The following ASIC2 variants were observed in gnomAD, a reference collection of about 807,000 sequenced individuals.
ASIC2 encodes acid sensing ion channel subunit 2.
A neutral mutation model predicts 57.3 loss-of-function variants in ASIC2; 25 were observed. That is an observed-to-expected ratio of 0.44 (90% CI 0.32 to 0.61). ASIC2 has a LOEUF of 0.61. Among genes scored for constraint, ASIC2 ranks in the 20% least tolerant of loss-of-function variants. ASIC2 has a pLI of 0.06. For synonymous variants in ASIC2, 319 were observed against 307.5 expected, an observed-to-expected ratio of 1.04 and a Z score of -0.39; for missense variants, 641 against 738.1, an observed-to-expected ratio of 0.87 and a Z score of 1.52.
chr17:33,577,304 TA>T (rs1184311225), intron 1 of ASIC2, among the ~76,000 whole-genome samples: 1 of 152,134 alleles, frequency 6.6e-6, no homozygotes, highest in African/African-American at 2.4e-5. Context: ...GTGCAGCCCT[TA>T]AATTACTGTG....
chr17:33,756,822 C>T (rs1910617843), intron 1 of ASIC2, among the ~76,000 whole-genome samples: 2 of 152,232 alleles, frequency 1.3e-5, no homozygotes, highest in African/African-American at 4.8e-5. Flanking sequence ...TTTTCTCTTG[C>T]TGTTGTAACA....
chr17:33,300,611 A>G (rs1905917397), intron 1 of ASIC2, among the ~76,000 whole-genome samples: 1 of 152,198 alleles, frequency 6.6e-6, no homozygotes, highest in African/African-American at 2.4e-5. Context: ...CATAAGATTT[A>G]ATTTTCTTGT....
rs11867257 is a variant in ASIC2 at position 34,060,345 on chromosome 17, C to T, written c.555+95633G>A. Among the ~76,000 whole-genome samples the T allele has an allele frequency of 3.8e-3, 576 of 152,306 alleles. 8 individuals are homozygous for T. Among genetic ancestry groups the T allele is most frequent in the African/African-American group, 0.013 (553 of 41,556 alleles). On this transcript the variant is annotated intron_variant, in intron 1 of 9. Coordinates refer to the ASIC2 transcript ENST00000359872. Reference sequence around the variant, plus strand: ...CTGTGAGAAAAAAGAATCTGAACAACAGCCTTCAGCCCTAGATCTTCCCCC... The same window carrying T: ...CTGTGAGAAAAAAGAATCTGAACAATAGCCTTCAGCCCTAGATCTTCCCCC...
intron 1 of ASIC2, among the ~76,000 whole-genome samples, chr17:33,751,292 C>T (rs977605771): frequency 2.6e-5 from 4 of 152,178 alleles, no homozygotes; most frequent in African/African-American, 9.7e-5. Context: ...GACACGGCAC[C>T]AATGTGGTCT....
chr17:33,495,135 C>A (rs1330524143), intron 1 of ASIC2, among the ~76,000 whole-genome samples: 1 of 152,192 alleles, frequency 6.6e-6, no homozygotes, highest in Non-Finnish European at 1.5e-5. Flanking sequence ...GAGGCATCTG[C>A]TATCAGGATT....
rs891566371 is a variant in ASIC2, at chr17:33,018,621, G to A, written c.1442-937C>T. On this transcript the variant is annotated intron_variant, in intron 7 of 9. Transcript: ENST00000225823. Reference sequence around the variant, plus strand: ...GCTGCAGAGGCAGTGTGGCAGAGCCGAGGGCTCTGAGGCTCTGAGTCCAGA... The same window carrying A: ...GCTGCAGAGGCAGTGTGGCAGAGCCAAGGGCTCTGAGGCTCTGAGTCCAGA... Among the ~76,000 whole-genome samples, 11 of 152,238 alleles carry A rather than the reference G, an allele frequency of 7.2e-5. No individual in the cohort carries two copies. The East Asian group carries it at 1.2e-3, about 16-fold the overall frequency.
intron 1 of ASIC2, among the ~76,000 whole-genome samples, chr17:33,917,091 T>C (rs1274066089): frequency 1.3e-5 from 2 of 152,190 alleles, no homozygotes; most frequent in Non-Finnish European, 2.9e-5. Flanking sequence ...TTGGGCTGTT[T>C]GCATCGCTCC....
intron 1 of ASIC2, among the ~76,000 whole-genome samples, chr17:33,734,916 T>G (rs973292618): frequency 3.9e-5 from 6 of 152,228 alleles, no homozygotes; most frequent in African/African-American, 1.4e-4. Context: ...TCTTGTATTA[T>G]GGCAACTCAA....
rs547411643 is a variant in ASIC2 at position 33,158,926 on chromosome 17, T to G, written c.709-46859A>C. 2.0e-5 allele frequency among the ~76,000 whole-genome samples: 3 copies of G among 152,358 alleles called. No homozygotes were observed. In the East Asian group the frequency reaches 5.8e-4, roughly 29 times the overall value. On this transcript the variant is annotated intron_variant, in intron 1 of 9. Transcript: ENST00000225823. ...GAATTCATGTGTTGCTGGAGTTTACTGAAGACTTTAATTTGGCATTCTAGC... is the reference window on the plus strand; with the variant it reads ...GAATTCATGTGTTGCTGGAGTTTACGGAAGACTTTAATTTGGCATTCTAGC...
chr17:33,752,332 C>T (rs1238680832), intron 1 of ASIC2, among the ~76,000 whole-genome samples: 2 of 152,158 alleles, frequency 1.3e-5, no homozygotes, highest in African/African-American at 2.4e-5. Flanking sequence ...ACCCCTTTCT[C>T]TCCACCTCAA....
At chr17:33,978,724 C>A (rs1905487799) in intron 1 of ASIC2, among the ~76,000 whole-genome samples, 1 of 152,160 alleles carries the variant, frequency 6.6e-6, no homozygotes, top group Non-Finnish European at 1.5e-5. Flanking sequence ...GCTAGGCCTA[C>A]TGTCTGCAGA....
At chr17:33,815,563 A>G (rs1912554459) in intron 1 of ASIC2, among the ~76,000 whole-genome samples, 2 of 152,254 alleles carry the variant, frequency 1.3e-5, no homozygotes, top group South Asian at 4.1e-4. Context: ...CACCCCTTGG[A>G]TAATCTTGAC....
rs113397524 is a variant in ASIC2 at position 34,031,436 on chromosome 17, A to G, written c.555+124542T>C. 2.1e-4 allele frequency among the ~76,000 whole-genome samples: 32 copies of G among 152,326 alleles called. 1 individual carries two copies. Among genetic ancestry groups the G allele is most frequent in the African/African-American group, 7.5e-4 (31 of 41,566 alleles). ...AAAAAACGGAGGAGAAAAACTGGAA[A>G]CTGTAAAAATCAGAGCGCCTCTCCT... On this transcript the variant is annotated intron_variant, in intron 1 of 9. Coordinates refer to the ASIC2 transcript ENST00000359872.
chr17:33,290,180 T>C, intron 1 of ASIC2, among the ~76,000 whole-genome samples: 1 of 152,244 alleles, frequency 6.6e-6, no homozygotes, highest in African/African-American at 2.4e-5. Flanking sequence ...CAGGATTGCC[T>C]TCCTAGACAA....
chr17:34,023,228 C>G (rs765736877), intron 1 of ASIC2, among the ~76,000 whole-genome samples: 3 of 152,170 alleles, frequency 2.0e-5, no homozygotes, highest in Non-Finnish European at 4.4e-5. Flanking sequence ...TATCTCCTAA[C>G]TCACTGACCT....
intron 1 of ASIC2, among the ~76,000 whole-genome samples, chr17:33,850,625 C>G (rs1398283830): frequency 6.6e-6 from 1 of 152,142 alleles, no homozygotes; most frequent in African/African-American, 2.4e-5. Flanking sequence ...TGGTATGTTT[C>G]CTCTGGGCTA....
rs902877577 is a variant in ASIC2 at position 33,023,754 on chromosome 17, T to G, written c.1349+107A>C. The stretch of plus-strand genomic sequence containing the variant: ...ACACAGAGGGTGTTCAACTAATGTT[T>G]GCTAACTTGAACCAAATGCTTATCT... On this transcript the variant is annotated intron_variant, in intron 6 of 9. Coordinates refer to ENST00000225823, the MANE Select transcript of ASIC2 (RefSeq NM_183377.2). 10 of 1,456,200 alleles carry G rather than the reference T, an allele frequency of 6.9e-6. No homozygotes were observed. The African/African-American group carries it at 1.4e-4, about 20-fold the overall frequency. The allele number at this position is 1,456,200 out of a possible 1,614,324, so 90.2% of individuals were successfully genotyped here.
chr17:33,046,201 A>G (rs376532459), intron 3 of ASIC2, among the ~76,000 whole-genome samples: 1 of 152,188 alleles, frequency 6.6e-6, no homozygotes, highest in Non-Finnish European at 1.5e-5. Flanking sequence ...GATGAGTGAC[A>G]AGGGCAGGGG....
chr17:33,800,628 T>A (rs527404065), intron 1 of ASIC2, among the ~76,000 whole-genome samples: 1 of 152,256 alleles, frequency 6.6e-6, no homozygotes, highest in Middle Eastern at 3.4e-3. Flanking sequence ...ACCCACAGTA[T>A]CAGAATTTCT....
Sources: allele counts gnomAD v4.1 joint callset (sites outside exome capture counted in the v4.1 genomes callset), GRCh38; gene constraint gnomAD v4.1.1; transcripts MANE v1.5; gene names NCBI Gene and HGNC (gene_info 2026-07-23, HGNC 2026-07-21).